Variants in DDX60L observed in about 807,000 individuals in gnomAD.
DDX60L encodes the protein DExD/H-box 60 like.
In DDX60L, 191 loss-of-function variants were observed where a neutral mutation model predicts 211.6. That is an observed-to-expected ratio of 0.90 (90% confidence interval 0.80 to 1.02). DDX60L has a LOEUF of 1.02. DDX60L is among the 50% of genes least tolerant of loss of function. The pLI is 0.00. For missense variants in DDX60L, 2,007 were observed against 1,984.1 expected (o/e 1.01, Z -0.22); for synonymous variants, 706 against 694.1 (o/e 1.02, Z -0.27).
intron 22 of DDX60L, among the ~76,000 whole-genome samples, chr4:168,410,380 T>C (rs1321342286): frequency 1.3e-5 from 2 of 152,142 alleles, no homozygotes; most frequent in South Asian, 2.1e-4. Context: ...GCATGAACCC[T>C]TTAGGTAAGC....
chr4:168,362,405 T>C (rs1464874455), intron 36 of DDX60L, among the ~76,000 whole-genome samples: 1 of 152,082 alleles, frequency 6.6e-6, no homozygotes, highest in Non-Finnish European at 1.5e-5. Context: ...CCAACAGTGG[T>C]CTTACCTCCT....
At chr4:168,379,852 AT>A (rs1355041807) in intron 30 of DDX60L, 22 bp from the exon 31 acceptor site, 1 of 1,537,970 alleles carries the variant, frequency 6.5e-7, no homozygotes, top group Admixed American at 1.8e-5. Context: ...GAGTACTTTA[AT>A]TTATCTAGTT....
At position 168,371,674 on chromosome 4, in the gene DDX60L, T is replaced by C; in HGVS notation, c.4866A>G (p.Leu1622=). ...KLDNRGRRMP[L]NAYVLNFYKH... ...TATAGAAATTGAGCACATATGCATT[T>C]AGTGGCATTCTCCTTCCTCGGTTAT... The change falls in exon 36 of 38, where the codon CTA becomes CTG. Residue 1622 remains leucine (L), a synonymous_variant. Coordinates refer to ENST00000682922, the MANE Select transcript of DDX60L (RefSeq NM_001012967.3). 1 of 1,604,498 alleles carries C rather than the reference T, an allele frequency of 6.2e-7. No individual in the cohort carries two copies. Among genetic ancestry groups the C allele is most frequent in the Non-Finnish European group, 8.5e-7 (1 of 1,175,162 alleles).
intron 10 of DDX60L, among the ~76,000 whole-genome samples, chr4:168,434,287 C>T (rs1015977272): frequency 6.6e-5 from 10 of 152,168 alleles, no homozygotes; most frequent in African/African-American, 2.2e-4. Context: ...TGTCTCTATC[C>T]TCTGCTTCTG....
At chr4:168,365,548 A>T (rs868137621) in intron 36 of DDX60L, among the ~76,000 whole-genome samples, 1 of 151,864 alleles carries the variant, frequency 6.6e-6, no homozygotes, top group Non-Finnish European at 1.5e-5. Context: ...TCAGAAAAAA[A>T]AAAAAGCCCA....
At chr4:168,478,074 G>C (rs1759842611) in intron 1 of DDX60L, among the ~76,000 whole-genome samples, 1 of 150,156 alleles carries the variant, frequency 6.7e-6, no homozygotes, top group African/African-American at 2.4e-5. Context: ...TTTTAAAAAG[G>C]AAGGGAAGCG....
At chr4:168,379,901 G>A in intron 30 of DDX60L, 71 bp from the exon 31 acceptor site, 1 of 1,042,664 alleles carries the variant, frequency 9.6e-7, no homozygotes, top group East Asian at 2.5e-5. Flanking sequence ...GTAATAAATA[G>A]TACACATACA....
chr4:168,404,167 G>A, intron 24 of DDX60L, 61 bp from the exon 25 acceptor site: 2 of 1,135,280 alleles, frequency 1.8e-6, no homozygotes, highest in Non-Finnish European at 2.3e-6. Context: ...ACAGAAGAAA[G>A]AAAGGAATTA....
intron 37 of DDX60L, 98 bp from the exon 38 acceptor site, chr4:168,358,374 C>T: frequency 1.2e-6 from 1 of 860,526 alleles, no homozygotes; most frequent in South Asian, 1.8e-5. Context: ...CCCCCAAAAT[C>T]TATCAGATGT....
At chr4:168,364,116 T>A (rs557441896) in intron 36 of DDX60L, among the ~76,000 whole-genome samples, 2 of 150,360 alleles carry the variant, frequency 1.3e-5, no homozygotes, top group Admixed American at 6.8e-5. Flanking sequence ...AGAGACTCCA[T>A]CTCTTAAAAA....
rs1360515355 is a variant in DDX60L at position 168,404,001 on chromosome 4, A to G, written c.3319T>C (p.Leu1107=). ...LVEKLRQMDK[L]PAIFFLFKND... The stretch of plus-strand genomic sequence containing the variant: ...ACTTACAAAAAAAATATTGCAGGCA[A>G]CTTATCCATTTGTCTTAACTTTTCA... Residue 1107 remains leucine (L), a synonymous_variant, in exon 25 of 38, where the codon TTG becomes CTG. Transcript: ENST00000682922. 6.8e-7 allele frequency: 1 copy of G among 1,477,040 alleles called. No homozygotes were observed. Among genetic ancestry groups the G allele is most frequent in the Admixed American group, 2.2e-5 (1 of 45,890 alleles). 91.5% of individuals were successfully genotyped at this position (1,477,040 alleles called of 1,614,324 possible). A position where few individuals can be genotyped will look rare whatever the true frequency, so the allele number is the denominator to read the frequency against.
chr4:168,413,490 G>A (rs1749031829), intron 22 of DDX60L, among the ~76,000 whole-genome samples: 2 of 151,940 alleles, frequency 1.3e-5, no homozygotes, highest in African/African-American at 4.8e-5. Context: ...AAATCAATGT[G>A]ATATATAATA....
At chr4:168,412,100 C>T (rs1258529051) in intron 22 of DDX60L, among the ~76,000 whole-genome samples, 2 of 151,850 alleles carry the variant, frequency 1.3e-5, no homozygotes, top group East Asian at 3.9e-4. Context: ...AGTACGTGGC[C>T]GTGTGCCTGG....
At chr4:168,456,200 C>A (rs1391873178) in intron 6 of DDX60L, 48 bp from the exon 7 acceptor site, 6 of 1,212,318 alleles carry the variant, frequency 4.9e-6, no homozygotes, top group South Asian at 4.7e-5. Flanking sequence ...TAGAAATATT[C>A]TTTTACTCAG....
intron 27 of DDX60L, among the ~76,000 whole-genome samples, chr4:168,395,095 T>G (rs1299187772): frequency 2.0e-5 from 3 of 152,194 alleles, no homozygotes; most frequent in African/African-American, 7.2e-5. Context: ...CTTCTAAGAA[T>G]TTATCCTCAG....
rs75149268 is a variant in DDX60L, at chr4:168,453,287, G to A, written c.838-5C>T. 4.8e-3 allele frequency: 7,758 copies of A among 1,605,782 alleles called. 244 individuals carry two copies. The African/African-American group carries it at 0.079, about 16-fold the overall frequency. On this transcript the variant is annotated splice_region_variant and splice_polypyrimidine_tract_variant and intron_variant, in intron 7 of 37. Coordinates refer to ENST00000682922, the MANE Select transcript of DDX60L (RefSeq NM_001012967.3). ...GGATAGGCAATTACTGTGCACCTGCGTACAATAAAGAAGATGAGAACAGTC... is the reference window on the plus strand; with the variant it reads ...GGATAGGCAATTACTGTGCACCTGCATACAATAAAGAAGATGAGAACAGTC...
intron 20 of DDX60L, among the ~76,000 whole-genome samples, chr4:168,416,446 T>G (rs141531852): frequency 1.2e-3 from 178 of 142,562 alleles, no homozygotes; most frequent in Middle Eastern, 7.2e-3. Context: ...AAGCCAGACA[T>G]GGTAATGTAC....
In DDX60L at chr4:168,421,791, A is replaced by T. The variant is rs370659337; in HGVS notation, c.2363T>A (p.Val788Asp). 23 of 1,614,116 alleles carry T rather than the reference A, an allele frequency of 1.4e-5. No individual in the cohort carries two copies. Among genetic ancestry groups the T allele is most frequent in the Non-Finnish European group, 1.9e-5 (22 of 1,180,048 alleles). Residue 788 changes from valine (V) to aspartate (D), a missense_variant, in exon 17 of 38, where the codon GTC becomes GAC. Coordinates refer to ENST00000682922, the MANE Select transcript of DDX60L (RefSeq NM_001012967.3). ...GGGTGCAACGTACACAACCACCCCG[A>T]CATCGCTCTCCCTCAGCACTTTCTC... is the stretch of plus-strand genomic sequence containing the variant. Reference protein sequence around the residue: ...CMEKVLRESDVGVVVYVAPAK... With the variant: ...CMEKVLRESDDGVVVYVAPAK...
At position 168,461,925 on chromosome 4, in the gene DDX60L, A is replaced by G; in HGVS notation, c.380T>C (p.Leu127Ser). 1.2e-6 allele frequency: 2 copies of G among 1,612,504 alleles called. No individual in the cohort carries two copies. The highest frequency in any genetic ancestry group is 1.7e-6 in the Non-Finnish European group (2 of 1,179,136). The change falls in exon 5 of 38, where the codon TTA becomes TCA. Residue 127 changes from leucine (L) to serine (S), a missense_variant. Physicochemically the swap from Leu to Ser is moderately radical, Grantham distance 145. Transcript: ENST00000682922. ...CAAGAATAACTTCCAATCTTGTGAT[A>G]AGCATCCAGAAAACTCCGTTTGCAC... ...IDVQTEFSGCLSQDWKLFLEQ... is the reference protein window; with the variant it reads ...IDVQTEFSGCSSQDWKLFLEQ...
Sources: allele counts gnomAD v4.1 joint callset (sites outside exome capture counted in the v4.1 genomes callset), GRCh38; gene constraint gnomAD v4.1.1; transcripts MANE v1.5; gene names NCBI Gene and HGNC (gene_info 2026-07-23, HGNC 2026-07-21).